MAP2K1: variants seen among roughly 807,000 people sequenced by gnomAD.
MAP2K1 encodes mitogen-activated protein kinase kinase 1.
MAP2K1 carries 16 observed loss-of-function variants against 46.3 expected under a neutral mutation model. That is an observed-to-expected ratio of 0.35 (90% confidence interval 0.23 to 0.52). MAP2K1 has a LOEUF of 0.52. Among genes scored for constraint, MAP2K1 ranks in the 20% least tolerant of loss-of-function variants. The pLI is 0.94. For synonymous variants in MAP2K1, 183 were observed against 185.6 expected (o/e 0.99, Z 0.11); for missense variants, 263 against 497.1 (o/e 0.53, Z 4.48).
At chr15:66,393,012 A>G (rs998674080) in intron 1 of MAP2K1, among the ~76,000 whole-genome samples, 2 of 151,832 alleles carry the variant, frequency 1.3e-5, no homozygotes, top group African/African-American at 2.4e-5. Flanking sequence ...TTGTTTCCCA[A>G]CCCCTTGCTG....
intron 1 of MAP2K1, chr15:66,414,899 G>A (rs1049221322): frequency 2.9e-6 from 1 of 344,928 alleles, no homozygotes; most frequent in Non-Finnish European, 5.6e-6. Context: ...GGCCAAGAAG[G>A]TCATGGCGGG....
At position 66,445,148 on chromosome 15, in the gene MAP2K1, G is replaced by A. The variant is rs9672582; in HGVS notation, c.568+441G>A. On this transcript the variant is annotated intron_variant, in intron 5 of 10. Transcript: ENST00000307102. Reference sequence around the variant, plus strand: ...GCACTTTGGGAGGCCGAGGGGCAGCGGGGGGAGGTGGGGGGGTGGATCATG... The same window carrying A: ...GCACTTTGGGAGGCCGAGGGGCAGCAGGGGGAGGTGGGGGGGTGGATCATG... 1.5e-4 allele frequency among the ~76,000 whole-genome samples: 22 copies of A among 144,392 alleles called. No homozygotes were observed. The South Asian group carries it at 2.5e-3, about 16-fold the overall frequency. The allele number at this position is 144,392 out of a possible 152,430, so 94.7% of individuals were successfully genotyped here. A position where few individuals can be genotyped will look rare whatever the true frequency, so the allele number is the denominator to read the frequency against.
At chr15:66,388,177 T>G (rs1178527494) in intron 1 of MAP2K1, among the ~76,000 whole-genome samples, 2 of 152,312 alleles carry the variant, frequency 1.3e-5, no homozygotes, top group East Asian at 3.9e-4. Flanking sequence ...ACATGCTAGG[T>G]GCTCCATCTC....
intron 1 of MAP2K1, among the ~76,000 whole-genome samples, chr15:66,429,379 G>A (rs1200164869): frequency 6.6e-6 from 1 of 152,048 alleles, no homozygotes; most frequent in Non-Finnish European, 1.5e-5. Context: ...GGGGAAAACT[G>A]CCCCCATGAC....
intron 6 of MAP2K1, among the ~76,000 whole-genome samples, chr15:66,482,748 G>A (rs1456720573): frequency 6.6e-6 from 1 of 152,138 alleles, no homozygotes; most frequent in African/African-American, 2.4e-5. Context: ...TTGGCTGAGT[G>A]GGAGGGTACA....
chr15:66,484,291 G>T (rs12907833), intron 6 of MAP2K1, among the ~76,000 whole-genome samples: 8,521 of 152,058 alleles, frequency 0.056, 339 homozygotes, highest in Middle Eastern at 0.11. Context: ...GGGATTACAG[G>T]CATGCACCAC....
chr15:66,438,723 G>A (rs557060279), intron 3 of MAP2K1, among the ~76,000 whole-genome samples: 109 of 152,282 alleles, frequency 7.2e-4, no homozygotes, highest in African/African-American at 2.6e-3. Flanking sequence ...TGGAGTTATC[G>A]TGGAGAGCAT....
intron 3 of MAP2K1, among the ~76,000 whole-genome samples, chr15:66,442,450 C>T (rs1313908423): frequency 2.0e-5 from 3 of 152,290 alleles, no homozygotes; most frequent in Non-Finnish European, 4.4e-5. Flanking sequence ...CATGTTCATC[C>T]TTTGAGTAAT....
At chr15:66,470,231 C>A (rs1326311891) in intron 5 of MAP2K1, among the ~76,000 whole-genome samples, 11 of 148,956 alleles carry the variant, frequency 7.4e-5, no homozygotes, top group African/African-American at 2.7e-4. Context: ...ACCGAAACAA[C>A]AACAAAAAGA....
chr15:66,476,801 G>A (rs1892764558), intron 5 of MAP2K1, among the ~76,000 whole-genome samples: 1 of 152,226 alleles, frequency 6.6e-6, no homozygotes, highest in Non-Finnish European at 1.5e-5. Context: ...GGAACAGTGT[G>A]TGAAGGGCCT....
At chr15:66,422,848 C>A (rs2093446911) in intron 1 of MAP2K1, among the ~76,000 whole-genome samples, 1 of 152,164 alleles carries the variant, frequency 6.6e-6, no homozygotes, top group Admixed American at 6.6e-5. Flanking sequence ...TCCAAGACCC[C>A]AACTACATAT....
In MAP2K1 at chr15:66,485,169, G is replaced by A. The variant is rs1175489099; in HGVS notation, c.873G>A (p.Arg291=). The A allele has an allele frequency of 6.2e-7, 1 of 1,613,926 alleles. No homozygotes were observed. The highest frequency in any genetic ancestry group is 8.5e-7 in the Non-Finnish European group (1 of 1,179,990). Residue 291 remains arginine (R), a synonymous_variant, in exon 7 of 11, where the codon AGG becomes AGA. Transcript: ENST00000307102. ...CGGCTGAGACCCCACCCAGGCCAAG[G>A]ACCCCCGGGAGGCCCCTTAGCTGTG... ...GDAAETPPRP[R]TPGRPLSSYG... is the part of the protein sequence containing the mutation.
intron 1 of MAP2K1, among the ~76,000 whole-genome samples, chr15:66,388,586 A>G (rs1435708565): frequency 6.6e-6 from 1 of 152,074 alleles, no homozygotes; most frequent in Non-Finnish European, 1.5e-5. Flanking sequence ...GTCTTGCTAT[A>G]TTGCTTAGGC....
chr15:66,408,323 C>G (rs538736260), intron 1 of MAP2K1, among the ~76,000 whole-genome samples: 4 of 152,274 alleles, frequency 2.6e-5, no homozygotes, highest in South Asian at 4.1e-4. Context: ...GGCATACTTG[C>G]AATTTTTTAG....
chr15:66,391,535 G>C (rs1474588804), intron 1 of MAP2K1, among the ~76,000 whole-genome samples: 1 of 152,154 alleles, frequency 6.6e-6, no homozygotes, highest in Admixed American at 6.5e-5. Context: ...TGATCCCAAA[G>C]TGCTGGGATT....
intron 3 of MAP2K1, among the ~76,000 whole-genome samples, chr15:66,438,082 C>CT (rs1239215359): frequency 2.5e-5 from 3 of 120,520 alleles, no homozygotes; most frequent in South Asian, 2.7e-4. Context: ...TTTCCCCTTT[C>CT]TTTTTTTTTC....
intron 3 of MAP2K1, among the ~76,000 whole-genome samples, chr15:66,438,590 G>A (rs868259627): frequency 9.2e-5 from 14 of 152,142 alleles, no homozygotes; most frequent in Middle Eastern, 3.2e-3. Flanking sequence ...AGGAGAAAAT[G>A]ACACTGGAAA....
At chr15:66,464,501 G>T (rs62010230) in intron 5 of MAP2K1, among the ~76,000 whole-genome samples, 1 of 152,104 alleles carries the variant, frequency 6.6e-6, no homozygotes, top group Non-Finnish European at 1.5e-5. Context: ...ATGGGAAAAA[G>T]GAAAAGAAAT....
intron 1 of MAP2K1, 38 bp from the exon 2 acceptor site, chr15:66,434,989 G>A (rs767020408): frequency 1.5e-6 from 2 of 1,312,966 alleles, no homozygotes; most frequent in Admixed American, 3.4e-5. Flanking sequence ...TGACTTCTCT[G>A]GTGACAGTAT....
Sources: allele counts gnomAD v4.1 joint callset (sites outside exome capture counted in the v4.1 genomes callset), GRCh38; gene constraint gnomAD v4.1.1; transcripts MANE v1.5; gene names NCBI Gene and HGNC (gene_info 2026-07-23, HGNC 2026-07-21).